Variants in CYLD observed in about 807,000 individuals in gnomAD.
CYLD encodes the protein ubiquitin carboxyl-terminal hydrolase CYLD.
Under a neutral mutation model 104.5 loss-of-function variants are expected in CYLD, and 26 were observed. The observed-to-expected ratio is 0.25, with a 90% CI of 0.18 to 0.35. The LOEUF is 0.35. Ranked by LOEUF, CYLD falls within the 10% of genes least tolerant of loss-of-function variation. The pLI, the probability that CYLD is intolerant of heterozygous loss-of-function variation, is 1.00. For synonymous variants in CYLD, 385 were observed against 399.9 expected (o/e 0.96, Z 0.45); for missense variants, 703 against 1,136.1 (o/e 0.62, Z 5.48).
At position 50,791,645 on chromosome 16, in the gene CYLD, G is replaced by A. The variant is rs2151029727; in HGVS notation, c.2196G>A (p.Gln732=). Residue 732 remains glutamine, a synonymous_variant, in exon 15 of 19, where the codon CAG becomes CAA. Coordinates refer to ENST00000427738, the MANE Select transcript of CYLD (RefSeq NM_001378743.1). ...AAGTTGGCGTTCCCACAATTCAGCA[G>A]TTGTTAGAATGGTCTTTTATCAACA... is the stretch of plus-strand genomic sequence containing the variant. ...NEKVGVPTIQ[Q]LLEWSFINSN... 1 of 1,613,926 alleles carries A rather than the reference G, an allele frequency of 6.2e-7. No homozygotes were observed. Among genetic ancestry groups the A allele is most frequent in the Non-Finnish European group, 8.5e-7 (1 of 1,179,876 alleles).
At chr16:50,754,554 C>A in intron 5 of CYLD, 130 bp downstream of exon 5, 1 of 698,770 alleles carries the variant, frequency 1.4e-6, no homozygotes, top group Non-Finnish European at 2.5e-6. Flanking sequence ...GTGGTGATTT[C>A]TGAGATTTTG....
At chr16:50,771,402 C>T (rs568375753) in intron 5 of CYLD, among the ~76,000 whole-genome samples, 1 of 152,280 alleles carries the variant, frequency 6.6e-6, no homozygotes, top group South Asian at 2.1e-4. Flanking sequence ...TTTGTTTAGC[C>T]ATTTTTCAGT....
intron 11 of CYLD, among the ~76,000 whole-genome samples, chr16:50,782,924 T>A (rs1335041658): frequency 2.2e-5 from 3 of 138,104 alleles, no homozygotes; most frequent in Non-Finnish European, 3.1e-5. Flanking sequence ...AGATTTTTTT[T>A]TTTTTTTTTT....
intron 2 of CYLD, among the ~76,000 whole-genome samples, chr16:50,744,417 A>G (rs1966001278): frequency 6.6e-6 from 1 of 152,204 alleles, no homozygotes; most frequent in Non-Finnish European, 1.5e-5. Flanking sequence ...AGCTTTTGGA[A>G]AAAGGCCCAC....
At chr16:50,778,038 CA>C in intron 8 of CYLD, 97 bp downstream of exon 8, 1 of 744,356 alleles carries the variant, frequency 1.3e-6, no homozygotes, top group African/African-American at 1.7e-5. Context: ...TTTTTGGAAA[CA>C]GAATAAGTAG....
intron 8 of CYLD, among the ~76,000 whole-genome samples, chr16:50,778,982 C>T (rs935025168): frequency 6.6e-6 from 1 of 152,138 alleles, no homozygotes; most frequent in Non-Finnish European, 1.5e-5. Context: ...GGCTGTGGCT[C>T]TCTTTATCAT....
intron 11 of CYLD, among the ~76,000 whole-genome samples, chr16:50,782,877 C>T (rs548168523): frequency 2.0e-5 from 3 of 150,872 alleles, no homozygotes; most frequent in East Asian, 1.9e-4. Context: ...CACTGCTGCC[C>T]TCATATATGC....
chr16:50,759,102 G>C (rs1182308855), intron 5 of CYLD, among the ~76,000 whole-genome samples: 1 of 152,060 alleles, frequency 6.6e-6, no homozygotes, highest in Non-Finnish European at 1.5e-5. Flanking sequence ...TTAGCCAGGC[G>C]TGGTGGCGGT....
Position 50,800,809 on chromosome 16 carries a change from C to G in CYLD, c.*4301C>G, listed in dbSNP as rs1972402434. ...AAGGCCTGTAATTTAAAATAATACT[C>G]CTTTCTCTAGGGTTTGGTGCAATTC... On this transcript the variant is annotated 3_prime_UTR_variant, in exon 19 of 19. Transcript: ENST00000427738. 1 of 233,152 alleles carries G rather than the reference C, an allele frequency of 4.3e-6. No individual in the cohort carries two copies. Among genetic ancestry groups the G allele is most frequent in the African/African-American group, 2.2e-5 (1 of 45,314 alleles). 14.4% of individuals were successfully genotyped at this position (233,152 alleles called of 1,614,324 possible).
intron 5 of CYLD, among the ~76,000 whole-genome samples, chr16:50,757,615 C>CA (rs1299270348): frequency 1.3e-5 from 2 of 151,956 alleles, no homozygotes; most frequent in Non-Finnish European, 2.9e-5. Flanking sequence ...CTGCTCACTG[C>CA]AAGCTCCGAC....
At position 50,749,744 on chromosome 16, in the gene CYLD, T is replaced by C; in HGVS notation, c.46T>C (p.Trp16Arg). ...WSQEKVTSPY[W>R]EERIFYLLLQ... Reference sequence around the variant, plus strand: ...CCAAGAAAAAGTCACTTCACCCTACTGGGAAGAGCGGATTTTTTACTTGCT... The same window carrying C: ...CCAAGAAAAAGTCACTTCACCCTACCGGGAAGAGCGGATTTTTTACTTGCT... The change falls in exon 3 of 19, where the codon TGG becomes CGG. Residue 16 changes from tryptophan (W) to arginine (R), a missense_variant. Transcript: ENST00000427738. The C allele has an allele frequency of 6.2e-7, 1 of 1,613,824 alleles. No individual in the cohort carries two copies. The highest frequency in any genetic ancestry group is 8.5e-7 in the Non-Finnish European group (1 of 1,179,988).
chr16:50,773,942 G>A (rs955812559), intron 5 of CYLD, among the ~76,000 whole-genome samples: 17 of 152,168 alleles, frequency 1.1e-4, no homozygotes, highest in Admixed American at 3.9e-4. Context: ...CAACTCCAGT[G>A]CCCCCCTGCT....
At chr16:50,745,584 C>G (rs375085305) in intron 2 of CYLD, among the ~76,000 whole-genome samples, 42 of 151,828 alleles carry the variant, frequency 2.8e-4, no homozygotes, top group African/African-American at 9.4e-4. Flanking sequence ...GGGACAGGCT[C>G]TCATTCTGTC....
At chr16:50,745,247 C>T (rs1966075613) in intron 2 of CYLD, among the ~76,000 whole-genome samples, 1 of 151,950 alleles carries the variant, frequency 6.6e-6, no homozygotes, top group South Asian at 2.1e-4. Context: ...TTTAGCTGTG[C>T]TTCTTTTTCC....
At chr16:50,771,977 A>G (rs74877957) in intron 5 of CYLD, among the ~76,000 whole-genome samples, 12,963 of 152,238 alleles carry the variant, frequency 0.085, 716 homozygotes, top group South Asian at 0.24. Flanking sequence ...AAGTCTTGCA[A>G]TCTATTAAAC....
Position 50,792,597 on chromosome 16 carries a change from G to C in CYLD, c.2242G>C (p.Ala748Pro). The C allele has an allele frequency of 6.3e-7, 1 of 1,595,614 alleles. No individual in the cohort carries two copies. Among genetic ancestry groups the C allele is most frequent in the African/African-American group, 1.3e-5 (1 of 74,580 alleles). The change falls in exon 16 of 19, where the codon GCA (alanine) becomes CCA (proline). Residue 748 changes from alanine to proline, a missense_variant and splice_region_variant. By Grantham distance (27) the Ala-to-Pro change is conservative. Transcript: ENST00000427738. Reference protein sequence around the residue: ...FINSNLKFAEAPSCLIIQMPR... With the variant: ...FINSNLKFAEPPSCLIIQMPR... ...CTAAAAATATCTGTCTTTTTTATAG[G>C]CACCATCATGTCTGATTATTCAGAT...
intron 4 of CYLD, 31 bp downstream of exon 4, chr16:50,751,937 G>T: frequency 7.9e-7 from 1 of 1,265,166 alleles, no homozygotes. Flanking sequence ...ATATCTTTGT[G>T]ATATATATAT....
chr16:50,790,827 A>G (rs940679762), intron 14 of CYLD, among the ~76,000 whole-genome samples: 48 of 152,164 alleles, frequency 3.2e-4, no homozygotes, highest in African/African-American at 1.2e-3. Flanking sequence ...CTGAAAAGGT[A>G]AATAGTAAAC....
intron 5 of CYLD, among the ~76,000 whole-genome samples, chr16:50,765,317 C>T (rs989566772): frequency 1.4e-4 from 21 of 152,122 alleles, no homozygotes; most frequent in African/African-American, 4.6e-4. Flanking sequence ...AATCAATGAT[C>T]TTTGAGGTGA....
Sources: allele counts gnomAD v4.1 joint callset (sites outside exome capture counted in the v4.1 genomes callset), GRCh38; gene constraint gnomAD v4.1.1; transcripts MANE v1.5; gene names NCBI Gene and HGNC (gene_info 2026-07-23, HGNC 2026-07-21).